The following SAXO2 variants were observed in gnomAD, a reference collection of about 807,000 sequenced individuals.
SAXO2 encodes the protein family with sequence similarity 154, member B.
In SAXO2, 17 loss-of-function variants were observed where a neutral mutation model predicts 18.7. The observed-to-expected ratio is 0.91, with a 90% CI of 0.62 to 1.36. The LOEUF (loss-of-function observed/expected upper bound fraction) is 1.36. Ranked by LOEUF, SAXO2 falls within the 40% of genes most tolerant of loss-of-function variation. SAXO2 has a pLI of 0.00. For missense variants in SAXO2, 486 were observed against 562.6 expected (o/e 0.86, Z 1.38); for synonymous variants, 163 against 181.2 (o/e 0.90, Z 0.81).
chr15:82,276,431 G>T (rs921249941), intron 3 of SAXO2, among the ~76,000 whole-genome samples: 3 of 152,134 alleles, frequency 2.0e-5, no homozygotes, highest in Non-Finnish European at 4.4e-5. Flanking sequence ...AAAACCAGAG[G>T]CATTACATCT....
rs771938060 is a variant in SAXO2, at chr15:82,282,197, T to C, written c.512T>C (p.Phe171Ser). ...ACTTACCACCCGCCTACTGTGAAAT[T>C]TGGAAATTCAACTACATTTCAGGAT... is the stretch of plus-strand genomic sequence containing the variant. Reference protein sequence around the residue: ...EQTYHPPTVKFGNSTTFQDDF... With the variant: ...EQTYHPPTVKSGNSTTFQDDF... The change falls in exon 4 of 4, where the codon TTT (phenylalanine) becomes TCT (serine). Residue 171 changes from phenylalanine (F) to serine (S), a missense_variant. Phe to Ser is a radical substitution (Grantham distance 155). Coordinates refer to ENST00000682753, the MANE Select transcript of SAXO2 (RefSeq NM_001348699.2). 27 of 1,613,968 alleles carry C rather than the reference T, an allele frequency of 1.7e-5. No homozygotes were observed. Among genetic ancestry groups the C allele is most frequent in the Non-Finnish European group, 2.2e-5 (26 of 1,179,954 alleles).
In SAXO2 at chr15:82,282,568, G is replaced by T; in HGVS notation, c.883G>T (p.Val295Leu). ...AATCCCACCACCTGAGGTCAAGAAA[G>T]TACCAGAGTATGTGCCTCCTACAGG... is the stretch of plus-strand genomic sequence containing the variant. ...WEIPPPEVKK[V>L]PEYVPPTGSM... Residue 295 changes from valine to leucine, a missense_variant, in exon 4 of 4, where the codon GTA (valine) becomes TTA (leucine). Val to Leu is a conservative substitution (Grantham distance 32, BLOSUM62 1). Coordinates refer to ENST00000682753, the MANE Select transcript of SAXO2 (RefSeq NM_001348699.2). 1 of 1,614,172 alleles carries T rather than the reference G, an allele frequency of 6.2e-7. No homozygotes were observed. The highest frequency in any genetic ancestry group is 2.2e-5 in the East Asian group (1 of 44,886).
intron 3 of SAXO2, 161 bp downstream of exon 3, chr15:82,271,963 A>T (rs1273478463): frequency 6.8e-6 from 4 of 585,966 alleles, no homozygotes; most frequent in Middle Eastern, 4.6e-4. Context: ...GTATAGTAAC[A>T]AAAGAAAATA....
chr15:82,266,660 T>G (rs928634954), intron 2 of SAXO2, among the ~76,000 whole-genome samples: 5 of 152,188 alleles, frequency 3.3e-5, no homozygotes, highest in Non-Finnish European at 7.3e-5. Flanking sequence ...GCTCATTCAA[T>G]CTATAGATCT....
At chr15:82,273,347 C>A (rs1428929672) in intron 3 of SAXO2, among the ~76,000 whole-genome samples, 1 of 152,162 alleles carries the variant, frequency 6.6e-6, no homozygotes, top group African/African-American at 2.4e-5. Flanking sequence ...ATGGATATGT[C>A]CTAATATAAA....
chr15:82,273,944 G>A (rs2075293680), intron 3 of SAXO2, among the ~76,000 whole-genome samples: 1 of 151,880 alleles, frequency 6.6e-6, no homozygotes, highest in Non-Finnish European at 1.5e-5. Flanking sequence ...CACCATGTTG[G>A]TCAGGCTGGT....
At chr15:82,278,213 G>A (rs1390091610) in intron 3 of SAXO2, among the ~76,000 whole-genome samples, 1 of 152,148 alleles carries the variant, frequency 6.6e-6, no homozygotes, top group East Asian at 1.9e-4. Context: ...GAAAGAACAG[G>A]AAACTGTCTT....
chr15:82,272,546 T>G (rs933899595), intron 3 of SAXO2, among the ~76,000 whole-genome samples: 14 of 152,110 alleles, frequency 9.2e-5, no homozygotes, highest in Non-Finnish European at 1.9e-4. Context: ...TGTTGTTGTT[T>G]TTGGGTTTTT....
chr15:82,264,239 T>A (rs1384354472), intron 1 of SAXO2, among the ~76,000 whole-genome samples: 1 of 151,936 alleles, frequency 6.6e-6, no homozygotes, highest in East Asian at 1.9e-4. Flanking sequence ...ACCCAGCTAA[T>A]TTTTGTATTT....
At chr15:82,269,275 C>T (rs1280921853) in intron 2 of SAXO2, among the ~76,000 whole-genome samples, 2 of 152,022 alleles carry the variant, frequency 1.3e-5, no homozygotes, top group Non-Finnish European at 2.9e-5. Flanking sequence ...GACAACCAGA[C>T]CAAGAGTTTG....
chr15:82,278,777 G>A (rs1422562925), intron 3 of SAXO2, among the ~76,000 whole-genome samples: 2 of 152,004 alleles, frequency 1.3e-5, no homozygotes, highest in African/African-American at 2.4e-5. Flanking sequence ...CCAAATATTT[G>A]GAAATTAAAC....
intron 3 of SAXO2, among the ~76,000 whole-genome samples, chr15:82,281,369 A>G (rs2075360532): frequency 6.6e-6 from 1 of 152,172 alleles, no homozygotes; most frequent in Admixed American, 6.5e-5. Flanking sequence ...AGGTTATTTA[A>G]CTTCCAAACC....
intron 3 of SAXO2, among the ~76,000 whole-genome samples, chr15:82,274,158 C>T (rs1394492552): frequency 6.6e-6 from 1 of 152,070 alleles, no homozygotes; most frequent in African/African-American, 2.4e-5. Flanking sequence ...CTTATACCAA[C>T]ACTACTAGCT....
intron 3 of SAXO2, chr15:82,272,131 T>C (rs1256020998): frequency 8.5e-6 from 2 of 234,698 alleles, no homozygotes; most frequent in East Asian, 1.0e-4. Context: ...GGCATTGTTC[T>C]TTTCTTCCCA....
At chr15:82,266,034 G>T (rs1366641165) in intron 2 of SAXO2, among the ~76,000 whole-genome samples, 3 of 151,814 alleles carry the variant, frequency 2.0e-5, no homozygotes, top group East Asian at 3.9e-4. Flanking sequence ...CCACCACCTA[G>T]AGTAGGGTGT....
chr15:82,270,078 A>G (rs2075256718), intron 2 of SAXO2, among the ~76,000 whole-genome samples: 1 of 152,232 alleles, frequency 6.6e-6, no homozygotes, highest in Non-Finnish European at 1.5e-5. Flanking sequence ...CCAAGAGACC[A>G]TCATAGATAC....
chr15:82,283,155 TAAATCATTTTTTATATTTTTAA>T lies in SAXO2; in HGVS notation c.*95_*116del. On this transcript the variant is annotated 3_prime_UTR_variant, in exon 4 of 4. Transcript: ENST00000682753. The stretch of plus-strand genomic sequence containing the variant: ...TATAGTTAAAAAATTTATGATATAA[TAAATCATTTTTTATATTTTTAA>T]ACAAGAAAATTGGAAAATATATTAT... The T allele has an allele frequency of 2.0e-6, 1 of 501,234 alleles. No individual in the cohort carries two copies. The highest frequency in any genetic ancestry group is 3.1e-6 in the Non-Finnish European group (1 of 327,800). 31.0% of individuals were successfully genotyped at this position (501,234 alleles called of 1,614,324 possible).
rs2075396502 is a variant in SAXO2, at chr15:82,284,751, T to C, written c.*1689T>C. The C allele has an allele frequency of 6.6e-6, 1 of 152,254 alleles. No individual in the cohort carries two copies. The highest frequency in any genetic ancestry group is 2.1e-4 in the South Asian group (1 of 4,830). 9.4% of individuals were successfully genotyped at this position (152,254 alleles called of 1,614,324 possible). A position where few individuals can be genotyped will look rare whatever the true frequency, so the allele number is the denominator to read the frequency against. On this transcript the variant is annotated 3_prime_UTR_variant, in exon 4 of 4. Coordinates refer to ENST00000682753, the MANE Select transcript of SAXO2 (RefSeq NM_001348699.2). ...ATTTATTTTAGCATAAAGTGAATTT[T>C]AGTCTTTTATGGCTTCAGAATTATT...
At position 82,265,658 on chromosome 15, in the gene SAXO2, T is replaced by C. The variant is rs763108352; in HGVS notation, c.143T>C (p.Met48Thr). The C allele has an allele frequency of 5.5e-5, 83 of 1,511,510 alleles. No homozygotes were observed. The highest frequency in any genetic ancestry group is 6.9e-5 in the Non-Finnish European group (79 of 1,137,772). The allele number at this position is 1,511,510 out of a possible 1,614,324, so 93.6% of individuals were successfully genotyped here. A position where few individuals can be genotyped will look rare whatever the true frequency, so the allele number is the denominator to read the frequency against. ...ACTGAATATTTGGAAAAATATCCTA[T>C]GTATGACAATGTTCTTCCACCTCAG... ...PTTEYLEKYP[M>T]YDNVLPPQSL... Residue 48 changes from methionine to threonine, a missense_variant, in exon 2 of 4, where the codon ATG (methionine) becomes ACG (threonine). Met to Thr is a moderately conservative substitution (Grantham distance 81). Transcript: ENST00000682753.
Sources: allele counts gnomAD v4.1 joint callset (sites outside exome capture counted in the v4.1 genomes callset), GRCh38; gene constraint gnomAD v4.1.1; transcripts MANE v1.5; gene names NCBI Gene and HGNC (gene_info 2026-07-23, HGNC 2026-07-21).